TEDC1: variants seen among roughly 807,000 people sequenced by gnomAD.
The protein encoded by TEDC1 is tubulin epsilon and delta complex 1.
TEDC1 carries 54 observed loss-of-function variants against 59.9 expected under a neutral mutation model. The ratio of observed to expected loss-of-function variants is 0.90; its 90% CI spans 0.72 to 1.13. TEDC1 has a LOEUF of 1.13. Among genes scored for constraint, TEDC1 ranks in the 50% most tolerant of loss-of-function variants. The pLI, the probability that TEDC1 is intolerant of heterozygous loss-of-function variation, is 0.00. For synonymous variants in TEDC1, 353 were observed against 298.1 expected (o/e 1.18, Z -1.90); for missense variants, 734 against 683.4 (o/e 1.07, Z -0.83).
upstream of TEDC1, chr14:105,490,315 T>A (rs1237050490): frequency 6.6e-6 from 1 of 152,292 alleles, no homozygotes; most frequent in African/African-American, 2.4e-5. Context: ...GGACTGAGTT[T>A]CCCTCTCCCG....
rs1265467857 is a variant in TEDC1, at chr14:105,491,278, T to A, written c.-98T>A. Reference sequence around the variant, plus strand: ...AGCCGGAGCGGTAACTGGGCGCAGGTCCCAGCCGCCGCACTAAACCCGGCC... The same window carrying A: ...AGCCGGAGCGGTAACTGGGCGCAGGACCCAGCCGCCGCACTAAACCCGGCC... On this transcript the variant is annotated 5_prime_UTR_variant, in exon 1 of 9. Transcript: ENST00000392523. The A allele has an allele frequency of 1.3e-6, 2 of 1,519,680 alleles. No individual in the cohort carries two copies. Among genetic ancestry groups the A allele is most frequent in the African/African-American group, 2.8e-5 (2 of 72,620 alleles). 94.1% of individuals were successfully genotyped at this position (1,519,680 alleles called of 1,614,324 possible).
intron 5 of TEDC1, chr14:105,494,138 C>T: frequency 3.4e-6 from 2 of 592,834 alleles, no homozygotes; most frequent in East Asian, 2.8e-5. Flanking sequence ...GCCACTCACC[C>T]TTCCCTTCCA....
intron 8 of TEDC1, 23 bp from the exon 9 acceptor site, chr14:105,498,594 C>A (rs1555440986): frequency 1.3e-6 from 2 of 1,514,338 alleles, no homozygotes; most frequent in Admixed American, 4.1e-5. Context: ...GGGACAGAGC[C>A]ATTGCCATTG....
rs943882435 is a variant in TEDC1, at chr14:105,498,524, C to T, written c.1159-93C>T. 5.9e-5 allele frequency: 80 copies of T among 1,346,392 alleles called. No homozygotes were observed. The Middle Eastern group carries it at 1.0e-3, about 18-fold the overall frequency. 83.4% of individuals were successfully genotyped at this position (1,346,392 alleles called of 1,614,324 possible). A position where few individuals can be genotyped will look rare whatever the true frequency, so the allele number is the denominator to read the frequency against. On this transcript the variant is annotated intron_variant, in intron 8 of 8. Transcript: ENST00000392523. Reference sequence around the variant, plus strand: ...ATGGGCGTTTCCCGCATGCCTGCAGCGCCTGCACCTGAGTCTGGGCTCAGG... The same window carrying T: ...ATGGGCGTTTCCCGCATGCCTGCAGTGCCTGCACCTGAGTCTGGGCTCAGG...
chr14:105,492,527 T>A (rs1381689894), intron 3 of TEDC1, 52 bp from the exon 4 acceptor site: 1 of 1,514,844 alleles, frequency 6.6e-7, no homozygotes, highest in Non-Finnish European at 8.8e-7. Context: ...CCTGGCCTTT[T>A]CTGGGGGGCA....
intron 5 of TEDC1, chr14:105,494,161 T>C (rs2084288508): frequency 5.2e-6 from 3 of 576,572 alleles, no homozygotes; most frequent in Admixed American, 3.0e-5. Flanking sequence ...AATCAAGACG[T>C]GGCACGGGTG....
chr14:105,490,974 T>A, upstream of TEDC1: 1 of 1,489,876 alleles, frequency 6.7e-7, no homozygotes. Flanking sequence ...GTTCTCCATA[T>A]CAACAGCCCT....
chr14:105,491,666 C>T lies in TEDC1; in HGVS notation c.192C>T (p.Leu64=), dbSNP rs782642770. 20 of 1,549,558 alleles carry T rather than the reference C, an allele frequency of 1.3e-5. No homozygotes were observed. The East Asian group carries it at 2.2e-4, about 17-fold the overall frequency. The change falls in exon 2 of 9, where the codon CTC becomes CTT. Residue 64 remains leucine (L), a synonymous_variant. Transcript: ENST00000392523. The part of the protein sequence containing the change: ...WQLLFRVLSP[L]PAGNALASLA... ...TCCTCTTCCGTGTGCTCTCGCCACTCCCTGCGGGCAACGCCTTGGCATCGC... is the reference window on the plus strand; with the variant it reads ...TCCTCTTCCGTGTGCTCTCGCCACTTCCTGCGGGCAACGCCTTGGCATCGC...
chr14:105,496,146 G>GGGGGGGGGGGGGGGCCCCCCCCC, intron 6 of TEDC1, 60 bp downstream of exon 6: 1 of 331,608 alleles, frequency 3.0e-6, no homozygotes, highest in Non-Finnish European at 5.9e-6. Flanking sequence ...GGGTGGGAGG[G>GGGGGGGGGGGGGGGCCCCCCCCC]GGTGGCGAGG....
chr14:105,491,449 C>G lies in TEDC1; in HGVS notation c.74C>G (p.Ala25Gly). The G allele has an allele frequency of 1.4e-6, 2 of 1,457,936 alleles. No individual in the cohort carries two copies. The highest frequency in any genetic ancestry group is 5.2e-5 in the East Asian group (2 of 38,158). 90.3% of individuals were successfully genotyped at this position (1,457,936 alleles called of 1,614,324 possible). A position where few individuals can be genotyped will look rare whatever the true frequency, so the allele number is the denominator to read the frequency against. Residue 25 changes from alanine to glycine, a missense_variant, in exon 1 of 9, where the codon GCG becomes GGG. By Grantham distance (60) the Ala-to-Gly change is moderately conservative. Coordinates refer to ENST00000392523, the MANE Select transcript of TEDC1 (RefSeq NM_001367178.1). ...RAGALPEAIA[A>G]LSRSLPSGPS... Reference sequence around the variant, plus strand: ...GGGGCCCTGCCTGAGGCCATCGCCGCGTTGAGTCGGTCGCTGCCCTCGGGA... The same window carrying G: ...GGGGCCCTGCCTGAGGCCATCGCCGGGTTGAGTCGGTCGCTGCCCTCGGGA...
Position 105,491,292 on chromosome 14 carries a change from C to T in TEDC1, c.-84C>T. The T allele has an allele frequency of 6.6e-7, 1 of 1,508,730 alleles. No homozygotes were observed. Among genetic ancestry groups the T allele is most frequent in the South Asian group, 1.3e-5 (1 of 80,000 alleles). The allele number at this position is 1,508,730 out of a possible 1,614,324, so 93.5% of individuals were successfully genotyped here. ...CTGGGCGCAGGTCCCAGCCGCCGCA[C>T]TAAACCCGGCCCGTGCGGTGATTGG... On this transcript the variant is annotated 5_prime_UTR_variant, in exon 1 of 9. Coordinates refer to ENST00000392523, the MANE Select transcript of TEDC1 (RefSeq NM_001367178.1).
upstream of TEDC1, chr14:105,490,614 C>G (rs1259572865): frequency 1.3e-5 from 2 of 153,550 alleles, no homozygotes; most frequent in Non-Finnish European, 2.9e-5. Flanking sequence ...GGGCGAGGAT[C>G]GGGAGCGCCT....
At chr14:105,498,009 C>A in intron 8 of TEDC1, 32 bp downstream of exon 8, 1 of 1,479,490 alleles carries the variant, frequency 6.8e-7, no homozygotes, top group Non-Finnish European at 9.0e-7. Context: ...GGCACCAGCC[C>A]AGCCCCACCT....
chr14:105,496,404 C>T (rs2084347441), intron 6 of TEDC1: 1 of 350,828 alleles, frequency 2.9e-6, no homozygotes. Context: ...CCTGCCTCTG[C>T]TCTGCTCCGC....
Position 105,497,961 on chromosome 14 carries a change from C to T in TEDC1, c.1142C>T (p.Ala381Val), listed in dbSNP as rs371407528. The T allele has an allele frequency of 1.7e-5, 26 of 1,532,066 alleles. No homozygotes were observed. In the Admixed American group the frequency reaches 2.2e-4, roughly 13 times the overall value. 94.9% of individuals were successfully genotyped at this position (1,532,066 alleles called of 1,614,324 possible). Residue 381 changes from alanine to valine, a missense_variant, in exon 8 of 9, where the codon GCG (alanine) becomes GTG (valine). Physicochemically the swap from Ala to Val is moderately conservative, Grantham distance 64 (BLOSUM62 0). Coordinates refer to ENST00000392523, the MANE Select transcript of TEDC1 (RefSeq NM_001367178.1). ...CGGGAGGCTGCGGAGCGCAGGCGGG[C>T]GGCCTGGGAGGCCAAGGTGAGTGCC... Reference protein sequence around the residue: ...ELREAAERRRAAWEAKAGGCG... With the variant: ...ELREAAERRRVAWEAKAGGCG...
chr14:105,497,952 G>A lies in TEDC1; in HGVS notation c.1133G>A (p.Arg378His), dbSNP rs782475967. The A allele has an allele frequency of 4.2e-5, 64 of 1,537,474 alleles. No individual in the cohort carries two copies. Among genetic ancestry groups the A allele is most frequent in the South Asian group, 2.4e-4 (20 of 83,506 alleles). The change falls in exon 8 of 9, where the codon CGC (arginine) becomes CAC (histidine). Residue 378 changes from arginine to histidine, a missense_variant. Transcript: ENST00000392523. ...LEEELREAAE[R>H]RRAAWEAKAG... is the part of the protein sequence containing the mutation. ...GAGGAGCTGCGGGAGGCTGCGGAGC[G>A]CAGGCGGGCGGCCTGGGAGGCCAAG...
In TEDC1 at chr14:105,498,674, G is replaced by A. The variant is rs1351335853; in HGVS notation, c.1216G>A (p.Ala406Thr). Residue 406 changes from alanine (A) to threonine (T), a missense_variant, in exon 9 of 9, where the codon GCT (alanine) becomes ACT (threonine). Ala to Thr is a moderately conservative substitution (Grantham distance 58). Coordinates refer to ENST00000392523, the MANE Select transcript of TEDC1 (RefSeq NM_001367178.1). ...WSAARRASRE[A>T]VEKELGALQQ... is the part of the protein sequence containing the mutation. ...TGCCGCGCGGCGGGCCTCTCGGGAG[G>A]CTGTGGAAAAGGAGCTGGGAGCTCT... The A allele has an allele frequency of 7.7e-6, 12 of 1,554,292 alleles. No individual in the cohort carries two copies. Among genetic ancestry groups the A allele is most frequent in the Non-Finnish European group, 1.0e-5 (12 of 1,149,576 alleles).
At chr14:105,494,141 C>T in intron 5 of TEDC1, 2 of 591,808 alleles carry the variant, frequency 3.4e-6, no homozygotes, top group South Asian at 2.0e-5. Flanking sequence ...ACTCACCCTT[C>T]CCTTCCACAA....
intron 2 of TEDC1, among the ~76,000 whole-genome samples, 174 bp from the exon 3 acceptor site, chr14:105,491,933 C>T (rs782603565): frequency 2.6e-5 from 4 of 152,250 alleles, no homozygotes; most frequent in Non-Finnish European, 5.9e-5. Flanking sequence ...TGGGGACGTC[C>T]CTGTTGGCCC....
Sources: allele counts gnomAD v4.1 joint callset (sites outside exome capture counted in the v4.1 genomes callset), GRCh38; gene constraint gnomAD v4.1.1; transcripts MANE v1.5; gene names NCBI Gene and HGNC (gene_info 2026-07-23, HGNC 2026-07-21).